Variants in PMPCA observed in about 807,000 individuals in gnomAD.
PMPCA encodes mitochondrial-processing peptidase subunit alpha.
Under a neutral mutation model 59.3 loss-of-function variants are expected in PMPCA, and 47 were observed. That is an observed-to-expected ratio of 0.79 (90% confidence interval 0.63 to 1.01). The LOEUF (loss-of-function observed/expected upper bound fraction) is 1.01, where lower values mean the gene tolerates loss of function less well. Ranked by LOEUF, PMPCA falls within the 50% of genes least tolerant of loss-of-function variation. The pLI, the probability that PMPCA is intolerant of heterozygous loss-of-function variation, is 0.00. For synonymous variants in PMPCA, 338 were observed against 290.3 expected (o/e 1.16, Z -1.67); for missense variants, 726 against 704.5 (o/e 1.03, Z -0.34).
intron 1 of PMPCA, 139 bp downstream of exon 1, chr9:136,410,878 G>C: frequency 1.6e-6 from 1 of 644,510 alleles, no homozygotes; most frequent in Non-Finnish European, 2.2e-6. Flanking sequence ...TCCCCGAGGC[G>C]ACGGGGGCCC....
In PMPCA at chr9:136,418,907, G is replaced by A. The variant is rs763357088; in HGVS notation, c.1189G>A (p.Asp397Asn). ...TGLLCIHASA[D>N]PRQVREMVEI... Reference sequence around the variant, plus strand: ...CCTCCTTTGCATCCATGCCAGCGCCGACCCAAGACAGGTGAGGGCCCCGCC... The same window carrying A: ...CCTCCTTTGCATCCATGCCAGCGCCAACCCAAGACAGGTGAGGGCCCCGCC... Residue 397 changes from aspartate (D) to asparagine (N), a missense_variant, in exon 10 of 13, where the codon GAC becomes AAC. Transcript: ENST00000371717. 1.3e-5 allele frequency: 21 copies of A among 1,613,510 alleles called. No individual in the cohort carries two copies. Among genetic ancestry groups the A allele is most frequent in the Middle Eastern group, 1.6e-4 (1 of 6,084 alleles).
chr9:136,416,475 G>T, intron 6 of PMPCA, 84 bp downstream of exon 6: 1 of 951,824 alleles, frequency 1.1e-6, no homozygotes. Flanking sequence ...GTGCCTCCGT[G>T]ATGTTGTCCT....
chr9:136,415,272 G>A (rs1371675769), intron 5 of PMPCA, among the ~76,000 whole-genome samples: 2 of 152,214 alleles, frequency 1.3e-5, no homozygotes, highest in African/African-American at 2.4e-5. Flanking sequence ...ACTGGTGATT[G>A]TAAAAGTCCT....
rs894119966 is a variant in PMPCA at position 136,423,402 on chromosome 9, C to T, written c.*138C>T. On this transcript the variant is annotated 3_prime_UTR_variant, in exon 13 of 13. Transcript: ENST00000371717. ...AAACAATGTCGCCACAGCACCCACG[C>T]GGTTTGCATTCTTTTGGAACTCAAT... The T allele has an allele frequency of 8.1e-6, 7 of 865,072 alleles. No homozygotes were observed. Among genetic ancestry groups the T allele is most frequent in the African/African-American group, 1.7e-5 (1 of 58,886 alleles). 53.6% of individuals were successfully genotyped at this position (865,072 alleles called of 1,614,324 possible).
Position 136,423,280 on chromosome 9 carries a change from TGACA to T in PMPCA, c.*20_*23del, listed in dbSNP as rs1835515049. The T allele has an allele frequency of 1.9e-6, 3 of 1,604,132 alleles. No individual in the cohort carries two copies. The highest frequency in any genetic ancestry group is 1.3e-5 in the African/African-American group (1 of 74,784). On this transcript the variant is annotated 3_prime_UTR_variant, in exon 13 of 13. Coordinates refer to ENST00000371717, the MANE Select transcript of PMPCA (RefSeq NM_015160.3). Reference sequence around the variant, plus strand: ...CTTCCGGTAGAACCGCTCCCCGGCCTGACAGACCCAGGGAGCTGCAGCTGGAGCC... The same window carrying T: ...CTTCCGGTAGAACCGCTCCCCGGCCTGACCCAGGGAGCTGCAGCTGGAGCC...
At position 136,416,349 on chromosome 9, in the gene PMPCA, G is replaced by A. The variant is rs1382581763; in HGVS notation, c.591G>A (p.Leu197=). 4.3e-6 allele frequency: 7 copies of A among 1,613,958 alleles called. No homozygotes were observed. The highest frequency in any genetic ancestry group is 3.3e-4 in the Middle Eastern group (2 of 6,044). Residue 197 remains leucine (L), a synonymous_variant, in exon 6 of 13, where the codon CTG becomes CTA. Coordinates refer to ENST00000371717, the MANE Select transcript of PMPCA (RefSeq NM_015160.3). ...AVQFELEDLN[L]RPDPEPLLTE... is the part of the protein sequence containing the mutation. ...AGTTTGAGCTGGAGGACCTGAACCTGCGGCCTGACCCAGAGCCACTTCTCA... is the reference window on the plus strand; with the variant it reads ...AGTTTGAGCTGGAGGACCTGAACCTACGGCCTGACCCAGAGCCACTTCTCA...
intron 6 of PMPCA, 93 bp downstream of exon 6, chr9:136,416,484 C>T (rs781223834): frequency 7.9e-6 from 7 of 886,288 alleles, no homozygotes; most frequent in Middle Eastern, 2.1e-4. Context: ...TGATGTTGTC[C>T]TTGCAGGTTA....
At chr9:136,411,044 C>T (rs891896645) in intron 1 of PMPCA, 8 of 329,974 alleles carry the variant, frequency 2.4e-5, no homozygotes, top group Non-Finnish European at 3.8e-5. Context: ...CCGCGTGCTC[C>T]TTCAGGAGGC....
At position 136,419,275 on chromosome 9, in the gene PMPCA, G is replaced by C; in HGVS notation, c.1263+169G>C. On this transcript the variant is annotated intron_variant, in intron 11 of 12. Transcript: ENST00000371717. ...AGGAGGCACAGCCTGGGGCTGAGCT[G>C]CTCCACCTGGGAGCCCGCTGAGGCT... 1.7e-5 allele frequency: 12 copies of C among 713,304 alleles called. 1 individual carries two copies. The South Asian group carries it at 1.8e-4, about 10-fold the overall frequency. The allele number at this position is 713,304 out of a possible 1,614,324, so 44.2% of individuals were successfully genotyped here.
intron 1 of PMPCA, among the ~76,000 whole-genome samples, chr9:136,411,734 T>TA (rs978798080): frequency 3.3e-5 from 5 of 152,210 alleles, no homozygotes; most frequent in African/African-American, 1.2e-4. Flanking sequence ...AAACTGCACT[T>TA]AGAGTGAGTT....
intron 1 of PMPCA, 130 bp downstream of exon 1, chr9:136,410,869 C>T (rs1044964643): frequency 2.9e-5 from 21 of 726,704 alleles, no homozygotes; most frequent in African/African-American, 7.3e-5. Context: ...ACACTGGTGT[C>T]CCCGAGGCGA....
At chr9:136,412,675 A>G in intron 3 of PMPCA, 106 bp downstream of exon 3, 1 of 785,090 alleles carries the variant, frequency 1.3e-6, no homozygotes, top group African/African-American at 1.7e-5. Context: ...TGCTAAGTTA[A>G]TGTTAATAAA....
rs1331204575 is a variant in PMPCA at position 136,422,685 on chromosome 9, C to T, written c.1409-410C>T. The stretch of plus-strand genomic sequence containing the variant: ...TCTGTAGAAAACAGACCCACCTGGA[C>T]CCTATCACTCCTGTCCTGGGGTTCC... On this transcript the variant is annotated intron_variant, in intron 12 of 12. Transcript: ENST00000371717. The T allele has an allele frequency of 5.8e-6, 6 of 1,035,708 alleles. No individual in the cohort carries two copies. In the African/African-American group the frequency reaches 6.7e-5, roughly 12 times the overall value. The allele number at this position is 1,035,708 out of a possible 1,614,324, so 64.2% of individuals were successfully genotyped here. A position where few individuals can be genotyped will look rare whatever the true frequency, so the allele number is the denominator to read the frequency against.
At chr9:136,416,832 A>G (rs11145960) in intron 6 of PMPCA, 119 bp from the exon 7 acceptor site, 31,279 of 882,450 alleles carry the variant, frequency 0.035, 742 homozygotes, top group East Asian at 0.097. Context: ...TGCAAGTAAA[A>G]TATCAGCTTG....
chr9:136,411,644 G>C (rs1380573421), intron 1 of PMPCA, among the ~76,000 whole-genome samples: 1 of 152,228 alleles, frequency 6.6e-6, no homozygotes, highest in African/African-American at 2.4e-5. Context: ...CTTCGGACCA[G>C]GTTAATAAGG....
In PMPCA at chr9:136,414,631, G is replaced by A; in HGVS notation, c.516G>A (p.Leu172=). ...TVVALLADVV[L]QPRLTDEEVE... Reference sequence around the variant, plus strand: ...TTGCCTTACTGGCTGATGTGGTTCTGCAGCCCCGGCTAACAGGTGTGGATC... The same window carrying A: ...TTGCCTTACTGGCTGATGTGGTTCTACAGCCCCGGCTAACAGGTGTGGATC... Residue 172 remains leucine (L), a synonymous_variant, in exon 5 of 13, where the codon CTG becomes CTA. Transcript: ENST00000371717. 6.2e-6 allele frequency: 10 copies of A among 1,610,746 alleles called. No individual in the cohort carries two copies. Among genetic ancestry groups the A allele is most frequent in the Non-Finnish European group, 8.5e-6 (10 of 1,176,926 alleles).
Position 136,421,902 on chromosome 9 carries a change from T to G in PMPCA, c.1334T>G (p.Ile445Ser). The G allele has an allele frequency of 1.2e-6, 2 of 1,612,000 alleles. No homozygotes were observed. The highest frequency in any genetic ancestry group is 1.7e-6 in the Non-Finnish European group (2 of 1,179,736). Reference protein sequence around the residue: ...LMMNLESRPVIFEDVGRQVLA... With the variant: ...LMMNLESRPVSFEDVGRQVLA... ...ATGAACCTGGAATCCAGGCCTGTGATCTTCGAGGATGTGGGGAGGCAGGTG... is the reference window on the plus strand; with the variant it reads ...ATGAACCTGGAATCCAGGCCTGTGAGCTTCGAGGATGTGGGGAGGCAGGTG... Residue 445 changes from isoleucine (I) to serine (S), a missense_variant, in exon 12 of 13, where the codon ATC (isoleucine) becomes AGC (serine). Ile to Ser is a moderately radical substitution (Grantham distance 142). Transcript: ENST00000371717.
At chr9:136,414,460 T>G (rs1452978249) in intron 4 of PMPCA, 93 bp from the exon 5 acceptor site, 1 of 824,798 alleles carries the variant, frequency 1.2e-6, no homozygotes, top group East Asian at 2.5e-5. Flanking sequence ...GGCCTGGCAT[T>G]GTCCACCTGG....
intron 3 of PMPCA, 94 bp downstream of exon 3, chr9:136,412,663 G>A (rs531319622): frequency 8.1e-5 from 64 of 789,650 alleles, no homozygotes; most frequent in Admixed American, 1.2e-4. Flanking sequence ...AAATTATCAA[G>A]TTGCTAAGTT....
Sources: allele counts gnomAD v4.1 joint callset (sites outside exome capture counted in the v4.1 genomes callset), GRCh38; gene constraint gnomAD v4.1.1; transcripts MANE v1.5; gene names NCBI Gene and HGNC (gene_info 2026-07-23, HGNC 2026-07-21).